Variants in OSBP2 observed in about 807,000 individuals in gnomAD.
The protein encoded by OSBP2 is oxysterol binding protein 2, also known as oxysterol-binding protein 2.
A neutral mutation model predicts 96.0 loss-of-function variants in OSBP2; 66 were observed. That is an observed-to-expected ratio of 0.69 (90% CI 0.56 to 0.84). OSBP2 has a LOEUF of 0.84. Ranked by LOEUF, OSBP2 falls within the 40% of genes least tolerant of loss-of-function variation. The probability of loss-of-function intolerance (pLI) is 0.00; values close to 1 mark genes in which losing one functional copy is unlikely to be tolerated. For synonymous variants in OSBP2, 525 were observed against 520.9 expected (o/e 1.01, Z -0.11); for missense variants, 1,038 against 1,222.7 (o/e 0.85, Z 2.25).
intron 2 of OSBP2, among the ~76,000 whole-genome samples, chr22:30,771,476 G>A (rs1209340934): frequency 1.3e-5 from 2 of 152,312 alleles, no homozygotes; most frequent in African/African-American, 4.8e-5. Flanking sequence ...GCACAGTGGC[G>A]GCCCCTGCCC....
At chr22:30,704,733 CAGGTGTG>C (rs2089222989) in intron 1 of OSBP2, among the ~76,000 whole-genome samples, 2 of 152,094 alleles carry the variant, frequency 1.3e-5, no homozygotes, top group Non-Finnish European at 1.5e-5. Flanking sequence ...GCTGGTATTA[CAGGTGTG>C]AGCTGGAAAG....
At position 30,835,963 on chromosome 22, in the gene OSBP2, C is replaced by T. The variant is rs182599172; in HGVS notation, c.854-34466C>T. ...TGAACTCTTGGCCTCAAGTGCTCCT[C>T]CTGCCTTGGCCTTCCAAATGCTGGG... On this transcript the variant is annotated intron_variant, in intron 2 of 13. Transcript: ENST00000332585. Among the ~76,000 whole-genome samples, 3 of 152,288 alleles carry T rather than the reference C, an allele frequency of 2.0e-5. No individual in the cohort carries two copies. The East Asian group carries it at 5.8e-4, about 29-fold the overall frequency.
chr22:30,894,783 C>G (rs1423379109), intron 12 of OSBP2, among the ~76,000 whole-genome samples: 1 of 152,172 alleles, frequency 6.6e-6, no homozygotes, highest in Non-Finnish European at 1.5e-5. Flanking sequence ...GGAGCTGTCC[C>G]CTTATCAACA....
chr22:30,709,706 A>T (rs986918971), intron 1 of OSBP2, among the ~76,000 whole-genome samples: 11 of 148,998 alleles, frequency 7.4e-5, no homozygotes, highest in East Asian at 2.0e-4. Flanking sequence ...TTTAAAAAAA[A>T]TTTTTTTTTT....
chr22:30,741,716 C>T (rs561966982), intron 2 of OSBP2, among the ~76,000 whole-genome samples: 35 of 152,280 alleles, frequency 2.3e-4, no homozygotes, highest in African/African-American at 8.4e-4. Flanking sequence ...TCCCCAGGTT[C>T]CCCCATCGTG....
intron 2 of OSBP2, chr22:30,822,808 CTG>C (rs2038308846): frequency 3.4e-5 from 35 of 1,024,708 alleles, no homozygotes; most frequent in Non-Finnish European, 4.7e-5. Flanking sequence ...ACGGGAGCCT[CTG>C]ATGTCACTCC....
At chr22:30,872,336 C>T (rs987610924) in intron 3 of OSBP2, 1 of 456,664 alleles carries the variant, frequency 2.2e-6, no homozygotes, top group South Asian at 1.5e-5. Flanking sequence ...TTCCCAGGCA[C>T]TGCCTCCCTA....
intron 2 of OSBP2, among the ~76,000 whole-genome samples, chr22:30,784,407 C>T (rs565844619): frequency 1.4e-4 from 22 of 152,030 alleles, no homozygotes; most frequent in African/African-American, 4.3e-4. Context: ...GCACATGCCA[C>T]CATGCCTGGC....
intron 1 of OSBP2, among the ~76,000 whole-genome samples, chr22:30,695,970 G>T (rs1407316541): frequency 2.0e-5 from 3 of 152,080 alleles, no homozygotes; most frequent in Non-Finnish European, 4.4e-5. Context: ...CAGTCCTTAG[G>T]ACCCACACTC....
intron 2 of OSBP2, among the ~76,000 whole-genome samples, chr22:30,841,391 C>T (rs2147033548): frequency 6.6e-6 from 1 of 152,268 alleles, no homozygotes; most frequent in East Asian, 1.9e-4. Flanking sequence ...CTACTTTGGA[C>T]ATGTTATACA....
rs1283499331 is a variant in OSBP2 at position 30,880,556 on chromosome 22, C to G, written c.1108-6870C>G. ...CCCAGCAGGCCTCTGGTGCCTCCCT[C>G]ACATCCCTGTCTAGAAGGGAAGTTT... On this transcript the variant is annotated intron_variant, in intron 3 of 13. Transcript: ENST00000332585. 2.6e-5 allele frequency among the ~76,000 whole-genome samples: 4 copies of G among 152,196 alleles called. No individual in the cohort carries two copies. In the East Asian group the frequency reaches 7.7e-4, roughly 29 times the overall value.
At position 30,870,529 on chromosome 22, in the gene OSBP2, G is replaced by A. The variant is rs781196451; in HGVS notation, c.954G>A (p.Thr318=). ...NLSLKLDDLS[T]CNDLIAKHGA... is the part of the protein sequence containing the mutation. ...CCCTGAAGTTAGATGACCTCAGCAC[G>A]TGCAATGACCTCATCGCCAAGCACG... Residue 318 remains threonine, a synonymous_variant, in exon 3 of 14, where the codon ACG becomes ACA. Coordinates refer to ENST00000332585, the MANE Select transcript of OSBP2 (RefSeq NM_030758.4). The surrounding 1 kb of genome is among the most constrained non-coding windows in gnomAD (Gnocchi z 4.1). The A allele has an allele frequency of 2.5e-6, 4 of 1,614,022 alleles. No individual in the cohort carries two copies. Among genetic ancestry groups the A allele is most frequent in the East Asian group, 2.2e-5 (1 of 44,886 alleles).
intron 1 of OSBP2, among the ~76,000 whole-genome samples, chr22:30,726,685 A>C (rs146695236): frequency 3.3e-5 from 5 of 152,336 alleles, no homozygotes; most frequent in African/African-American, 1.2e-4. Context: ...TGTGACATTC[A>C]GTGATGGGAG....
At chr22:30,793,382 A>G (rs1009255996) in intron 2 of OSBP2, among the ~76,000 whole-genome samples, 11 of 151,864 alleles carry the variant, frequency 7.2e-5, no homozygotes, top group Non-Finnish European at 1.2e-4. Flanking sequence ...AAGAGGATTT[A>G]GGTCTGGGTA....
chr22:30,698,212 T>C (rs1007957057), intron 1 of OSBP2, among the ~76,000 whole-genome samples: 4 of 152,086 alleles, frequency 2.6e-5, no homozygotes, highest in Non-Finnish European at 5.9e-5. Flanking sequence ...GACACCCAGC[T>C]CTCAGCAGGT....
chr22:30,743,343 G>A (rs368812602), intron 2 of OSBP2, among the ~76,000 whole-genome samples: 6 of 152,318 alleles, frequency 3.9e-5, no homozygotes, highest in African/African-American at 1.4e-4. Flanking sequence ...TTTCTCTTTT[G>A]TCTCACTCAT....
chr22:30,850,239 G>T (rs1458626835), intron 2 of OSBP2, among the ~76,000 whole-genome samples: 1 of 151,438 alleles, frequency 6.6e-6, no homozygotes, highest in African/African-American at 2.4e-5. Flanking sequence ...CCCAGGAGGC[G>T]GAGGTTGCAG....
intron 2 of OSBP2, among the ~76,000 whole-genome samples, chr22:30,868,753 G>A (rs2039399140): frequency 6.6e-6 from 1 of 152,164 alleles, no homozygotes; most frequent in Non-Finnish European, 1.5e-5. Flanking sequence ...ACCCTCCTCA[G>A]CTCCCCTTGG....
chr22:30,802,723 CCGAT>C (rs1398781944), intron 2 of OSBP2, among the ~76,000 whole-genome samples: 1 of 152,260 alleles, frequency 6.6e-6, no homozygotes, highest in Non-Finnish European at 1.5e-5. Context: ...CCTCCGGGGA[CCGAT>C]CGGTGGCCTC....
Sources: gnomAD v4.1 joint callset for allele counts (sites outside exome capture counted in the v4.1 genomes callset) on GRCh38, gnomAD v4.1.1 for gene constraint, Gnocchi (gnomAD v3.1) non-coding constraint, MANE v1.5 for transcripts, NCBI Gene and HGNC (gene_info 2026-07-23, HGNC 2026-07-21) for gene names.